MIPOL1: variants seen among roughly 807,000 people sequenced by gnomAD.
The protein encoded by MIPOL1 is mirror-image polydactyly gene 1 protein.
Under a neutral mutation model 60.9 loss-of-function variants are expected in MIPOL1, and 57 were observed. The observed-to-expected ratio is 0.94, with a 90% CI of 0.76 to 1.17. The LOEUF (loss-of-function observed/expected upper bound fraction) is 1.17. MIPOL1 is among the 50% of genes most tolerant of loss of function. MIPOL1 has a pLI of 0.00. For missense variants in MIPOL1, 551 were observed against 511.6 expected, an observed-to-expected ratio of 1.08 and a Z score of -0.74; for synonymous variants, 179 against 168.8, an observed-to-expected ratio of 1.06 and a Z score of -0.47.
At chr14:37,450,285 T>A (rs1010614800) in intron 11 of MIPOL1, among the ~76,000 whole-genome samples, 3 of 152,182 alleles carry the variant, frequency 2.0e-5, no homozygotes, top group Non-Finnish European at 4.4e-5. Context: ...TCCTAGGATT[T>A]GTCTTCTCTT....
At chr14:37,259,854 G>A (rs1233556763) in intron 3 of MIPOL1, among the ~76,000 whole-genome samples, 1 of 152,064 alleles carries the variant, frequency 6.6e-6, no homozygotes. Context: ...TTTGGATAGT[G>A]CTGATCTATA....
intron 10 of MIPOL1, among the ~76,000 whole-genome samples, chr14:37,375,502 A>G (rs1350824571): frequency 1.3e-5 from 2 of 152,068 alleles, no homozygotes; most frequent in African/African-American, 4.8e-5. Context: ...TAATTTATTA[A>G]TTTACCTTCC....
chr14:37,536,624 T>C (rs562958193), intron 12 of MIPOL1, among the ~76,000 whole-genome samples: 2 of 152,302 alleles, frequency 1.3e-5, no homozygotes, highest in East Asian at 1.9e-4. Context: ...GTTTTTGTTT[T>C]GAGTTTTTTC....
At chr14:37,332,977 C>T (rs2153455687) in intron 9 of MIPOL1, among the ~76,000 whole-genome samples, 1 of 152,260 alleles carries the variant, frequency 6.6e-6, no homozygotes, top group East Asian at 1.9e-4. Context: ...ACTTGCAATA[C>T]TTTAGCTCAC....
chr14:37,479,532 A>G (rs1388323267), intron 11 of MIPOL1, among the ~76,000 whole-genome samples: 1 of 152,160 alleles, frequency 6.6e-6, no homozygotes, highest in African/African-American at 2.4e-5. Context: ...CTTATGGTGT[A>G]GAGGAAAGGC....
At chr14:37,425,911 A>G (rs2093952869) in intron 11 of MIPOL1, among the ~76,000 whole-genome samples, 1 of 152,192 alleles carries the variant, frequency 6.6e-6, no homozygotes, top group Non-Finnish European at 1.5e-5. Context: ...TATAGACATC[A>G]GTTTTCTGTG....
At chr14:37,422,810 TA>T (rs1382932158) in intron 10 of MIPOL1, 44 bp from the exon 11 acceptor site, 27 of 1,306,946 alleles carry the variant, frequency 2.1e-5, no homozygotes, top group Non-Finnish European at 2.9e-5. Flanking sequence ...TATTTTATCA[TA>T]CCAAAATGAA....
chr14:37,410,802 C>T (rs533812338), intron 10 of MIPOL1, among the ~76,000 whole-genome samples: 5 of 151,388 alleles, frequency 3.3e-5, no homozygotes, highest in African/African-American at 7.3e-5. Context: ...CTGAGGTAAC[C>T]GTTAAAAGAA....
chr14:37,415,360 C>T (rs910756407), intron 10 of MIPOL1, among the ~76,000 whole-genome samples: 3 of 152,054 alleles, frequency 2.0e-5, no homozygotes, highest in Non-Finnish European at 4.4e-5. Context: ...TGGTGGCTCA[C>T]GCCTATAATC....
At chr14:37,418,285 C>G (rs1015691500) in intron 10 of MIPOL1, among the ~76,000 whole-genome samples, 1 of 152,090 alleles carries the variant, frequency 6.6e-6, no homozygotes, top group African/African-American at 2.4e-5. Flanking sequence ...ACAGTGTGGT[C>G]TTTTCTTTGT....
chr14:37,423,169 A>C (rs1043884612), intron 11 of MIPOL1, among the ~76,000 whole-genome samples: 1 of 151,750 alleles, frequency 6.6e-6, no homozygotes, highest in Non-Finnish European at 1.5e-5. Flanking sequence ...TTTCATTGTA[A>C]CTGAAATTTA....
At chr14:37,242,153 T>C (rs1407365233) in intron 1 of MIPOL1, among the ~76,000 whole-genome samples, 1 of 151,846 alleles carries the variant, frequency 6.6e-6, no homozygotes, top group Non-Finnish European at 1.5e-5. Context: ...AATATTTAAT[T>C]ATTAAATTAG....
chr14:37,358,309 G>T (rs551295875), intron 9 of MIPOL1, among the ~76,000 whole-genome samples: 1 of 152,250 alleles, frequency 6.6e-6, no homozygotes, highest in East Asian at 1.9e-4. Flanking sequence ...ACCTGTGCAT[G>T]TGTCTTTATA....
At chr14:37,372,129 A>C (rs2153499970) in intron 10 of MIPOL1, among the ~76,000 whole-genome samples, 1 of 152,088 alleles carries the variant, frequency 6.6e-6, no homozygotes, top group African/African-American at 2.4e-5. Flanking sequence ...ATTCAACTTG[A>C]GTAGGGTAAA....
intron 11 of MIPOL1, among the ~76,000 whole-genome samples, chr14:37,455,481 G>A (rs2094466918): frequency 6.6e-6 from 1 of 152,028 alleles, no homozygotes; most frequent in South Asian, 2.1e-4. Context: ...ACCCATGACT[G>A]CCTCTTTGTC....
intron 10 of MIPOL1, among the ~76,000 whole-genome samples, chr14:37,395,355 A>G (rs2093351238): frequency 6.6e-6 from 1 of 152,098 alleles, no homozygotes; most frequent in African/African-American, 2.4e-5. Flanking sequence ...GTCATTTTCA[A>G]CAATATTGAT....
At chr14:37,219,755 T>G (rs1215127770) in intron 1 of MIPOL1, 1 of 152,234 alleles carries the variant, frequency 6.6e-6, no homozygotes, top group Non-Finnish European at 1.5e-5. Context: ...GAGAGAGGTG[T>G]GATGAAATTT....
chr14:37,260,927 C>T (rs139887019), intron 3 of MIPOL1, among the ~76,000 whole-genome samples: 36 of 152,070 alleles, frequency 2.4e-4, no homozygotes, highest in African/African-American at 8.7e-4. Context: ...TAATTAATAA[C>T]ATAGAAGTAT....
intron 6 of MIPOL1, 79 bp from the exon 7 acceptor site, chr14:37,285,239 A>G: frequency 7.5e-6 from 11 of 1,473,390 alleles, no homozygotes; most frequent in Non-Finnish European, 7.5e-6. Flanking sequence ...ATAATTACTT[A>G]TGGCTTTTAT....
Sources: gnomAD v4.1 joint callset for allele counts (sites outside exome capture counted in the v4.1 genomes callset) on GRCh38, gnomAD v4.1.1 for gene constraint, MANE v1.5 for transcripts, NCBI Gene and HGNC (gene_info 2026-07-23, HGNC 2026-07-21) for gene names.